ENOX2: variants seen among roughly 807,000 people sequenced by gnomAD.
ENOX2 encodes APK1 antigen.
In ENOX2, 36 loss-of-function variants were observed where a neutral mutation model predicts 45.0. That is an observed-to-expected ratio of 0.80 (90% CI 0.61 to 1.06). The LOEUF (loss-of-function observed/expected upper bound fraction) is 1.06, where lower values mean the gene tolerates loss of function less well. ENOX2 is among the 50% of genes least tolerant of loss of function. ENOX2 has a pLI of 0.00. For missense variants in ENOX2, 423 were observed against 462.5 expected, an observed-to-expected ratio of 0.91 and a Z score of 0.78; for synonymous variants, 174 against 152.3, an observed-to-expected ratio of 1.14 and a Z score of -1.05.
chrX:130,791,885 T>C (rs1316102496), intron 2 of ENOX2, among the ~76,000 whole-genome samples: 1 of 112,263 alleles, frequency 8.9e-6, no homozygotes, highest in Non-Finnish European at 1.9e-5. Flanking sequence ...CCTGAGAGAA[T>C]ACTATAAAAG....
chrX:130,667,384 A>C (rs1325776226), intron 8 of ENOX2, 146 bp downstream of exon 8: 1 of 510,194 alleles, frequency 2.0e-6, no homozygotes, highest in Non-Finnish European at 3.3e-6. Context: ...TGGGCATTTG[A>C]CAATATAAGG....
chrX:130,875,265 C>CTT (rs545175702), intron 2 of ENOX2, among the ~76,000 whole-genome samples: 2 of 95,886 alleles, frequency 2.1e-5, no homozygotes, highest in East Asian at 3.2e-4. Context: ...TCTAAGCTGG[C>CTT]TTTTTTTTTT....
intron 2 of ENOX2, among the ~76,000 whole-genome samples, chrX:130,846,865 C>T (rs2078116409): frequency 1.8e-5 from 2 of 111,969 alleles, no homozygotes; most frequent in African/African-American, 6.5e-5. Flanking sequence ...GGGAAATAGG[C>T]AGAGAGAAAA....
chrX:130,738,730 G>T (rs1279594720), intron 3 of ENOX2, among the ~76,000 whole-genome samples: 1 of 112,229 alleles, frequency 8.9e-6, no homozygotes, highest in Admixed American at 9.4e-5. Flanking sequence ...GAGGGGAAAA[G>T]AACAGGATGT....
chrX:130,690,111 T>C (rs746648925), intron 4 of ENOX2, among the ~76,000 whole-genome samples: 3 of 111,246 alleles, frequency 2.7e-5, no homozygotes, highest in African/African-American at 9.8e-5. Flanking sequence ...GGTACACATG[T>C]GTCCTGTTTA....
chrX:130,679,846 G>T, intron 5 of ENOX2, 98 bp from the exon 6 acceptor site: 1 of 628,797 alleles, frequency 1.6e-6, no homozygotes, highest in Non-Finnish European at 2.5e-6. Context: ...TCAAACTTTT[G>T]TCTAAGAGTG....
intron 2 of ENOX2, among the ~76,000 whole-genome samples, chrX:130,855,350 G>A (rs1319645075): frequency 6.3e-5 from 7 of 111,330 alleles, no homozygotes; most frequent in African/African-American, 9.8e-5. Context: ...ATAAATCTTC[G>A]GTATAAATAC....
At chrX:130,807,480 G>C (rs1255630701) in intron 2 of ENOX2, among the ~76,000 whole-genome samples, 1 of 111,537 alleles carries the variant, frequency 9.0e-6, no homozygotes, top group Non-Finnish European at 1.9e-5. Context: ...TCTAACTGCT[G>C]TCTCTTCCTC....
At position 130,644,554 on chromosome X, in the gene ENOX2, A is replaced by G. The variant is rs769464300; in HGVS notation, c.1130-7144T>C. Among the ~76,000 whole-genome samples, 13 of 112,350 alleles carry G rather than the reference A, an allele frequency of 1.2e-4. No homozygotes were observed. The South Asian group carries it at 3.0e-3, about 26-fold the overall frequency. On this transcript the variant is annotated intron_variant, in intron 10 of 14. Coordinates refer to ENST00000394363, the MANE Select transcript of ENOX2 (RefSeq NM_006375.4). ...ACATCCAGACAATGGAATATTATTC[A>G]GTGCTAAAAAGAAATGAGCCATCAA...
chrX:130,684,207 A>G (rs747681783), intron 5 of ENOX2, among the ~76,000 whole-genome samples: 1 of 112,562 alleles, frequency 8.9e-6, no homozygotes, highest in East Asian at 2.8e-4. Flanking sequence ...AATGTAGAGA[A>G]TCATAACTTT....
At chrX:130,822,242 C>G (rs771453354) in intron 2 of ENOX2, among the ~76,000 whole-genome samples, 14 of 111,383 alleles carry the variant, frequency 1.3e-4, no homozygotes, top group South Asian at 7.5e-4. Flanking sequence ...CTTGAATGTA[C>G]AGATGGTCCT....
chrX:130,630,485 C>T (rs182619653), intron 13 of ENOX2, among the ~76,000 whole-genome samples: 136 of 110,933 alleles, frequency 1.2e-3, no homozygotes, highest in Admixed American at 0.012. Flanking sequence ...TATAATGAAG[C>T]CTCCATAAGA....
intron 3 of ENOX2, among the ~76,000 whole-genome samples, chrX:130,738,928 G>A (rs1181565833): frequency 1.8e-5 from 2 of 111,630 alleles, no homozygotes; most frequent in Non-Finnish European, 3.8e-5. Context: ...TGTCCACATC[G>A]GTCAATTTTT....
chrX:130,782,228 GT>G (rs2076908647), intron 3 of ENOX2, among the ~76,000 whole-genome samples: 1 of 111,707 alleles, frequency 9.0e-6, no homozygotes, highest in Non-Finnish European at 1.9e-5. Context: ...AAATAGTAAC[GT>G]TTATTAAGTG....
At chrX:130,871,468 A>C (rs1170131973) in intron 2 of ENOX2, among the ~76,000 whole-genome samples, 1 of 111,142 alleles carries the variant, frequency 9.0e-6, no homozygotes, top group African/African-American at 3.3e-5. Flanking sequence ...TATAACGCCC[A>C]ATCAAACATT....
chrX:130,839,897 CTG>C (rs1202453888), intron 2 of ENOX2, among the ~76,000 whole-genome samples: 1 of 111,748 alleles, frequency 8.9e-6, no homozygotes, highest in African/African-American at 3.2e-5. Flanking sequence ...ATCAAAACTA[CTG>C]TCAGGTAATG....
chrX:130,840,560 A>G (rs1288776899), intron 2 of ENOX2, among the ~76,000 whole-genome samples: 2 of 109,959 alleles, frequency 1.8e-5, no homozygotes, highest in African/African-American at 6.6e-5. Flanking sequence ...TAAATAAATA[A>G]ATAAAACAGT....
At chrX:130,766,117 C>T (rs1332198727) in intron 3 of ENOX2, among the ~76,000 whole-genome samples, 1 of 111,207 alleles carries the variant, frequency 9.0e-6, no homozygotes, top group Non-Finnish European at 1.9e-5. Context: ...AGAAGGACTG[C>T]TTGGTATTGT....
At chrX:130,683,565 A>G (rs778883399) in intron 5 of ENOX2, among the ~76,000 whole-genome samples, 24 of 111,732 alleles carry the variant, frequency 2.1e-4, no homozygotes, top group Non-Finnish European at 4.0e-4. Flanking sequence ...AGCAGATGAT[A>G]TTCCATTACT....
Sources: gnomAD v4.1 joint callset for allele counts (sites outside exome capture counted in the v4.1 genomes callset) on GRCh38, gnomAD v4.1.1 for gene constraint, MANE v1.5 for transcripts, NCBI Gene and HGNC (gene_info 2026-07-23, HGNC 2026-07-21) for gene names.